LNX1: variants seen among roughly 807,000 people sequenced by gnomAD.
The protein encoded by LNX1 is ligand of numb-protein X 1, also known as E3 ubiquitin-protein ligase LNX.
Under a neutral mutation model 68.4 loss-of-function variants are expected in LNX1, and 54 were observed. The ratio of observed to expected loss-of-function variants is 0.79; its 90% CI spans 0.63 to 0.99. The LOEUF (loss-of-function observed/expected upper bound fraction) is 0.99, where lower values mean the gene tolerates loss of function less well. Ranked by LOEUF, LNX1 falls within the 50% of genes least tolerant of loss-of-function variation. The pLI is 0.00. For synonymous variants in LNX1, 336 were observed against 350.0 expected (o/e 0.96, Z 0.45); for missense variants, 906 against 926.4 (o/e 0.98, Z 0.29).
intron 2 of LNX1, among the ~76,000 whole-genome samples, chr4:53,528,959 T>G (rs536558141): frequency 1.7e-4 from 26 of 152,024 alleles, no homozygotes; most frequent in African/African-American, 5.8e-4. Flanking sequence ...AAAAAAGCCA[T>G]CACAGAGGAA....
intron 2 of LNX1, among the ~76,000 whole-genome samples, chr4:53,568,697 A>C (rs1730906775): frequency 6.6e-6 from 1 of 151,698 alleles, no homozygotes; most frequent in Admixed American, 6.6e-5. Context: ...AAGGGTATTC[A>C]ATTAGGAAAA....
At chr4:53,602,113 A>G (rs147998816) in intron 2 of LNX1, among the ~76,000 whole-genome samples, 1 of 152,172 alleles carries the variant, frequency 6.6e-6, no homozygotes, top group Non-Finnish European at 1.5e-5. Flanking sequence ...AGAGTGAGAA[A>G]TAGAAACTAG....
rs1321234137 is a variant in LNX1, at chr4:53,476,774, A to G, written c.1871T>C (p.Val624Ala). The change falls in exon 9 of 11, where the codon GTC (valine) becomes GCC (alanine). Residue 624 changes from valine (V) to alanine (A), a missense_variant. Physicochemically the swap from Val to Ala is moderately conservative, Grantham distance 64 (BLOSUM62 0). Coordinates refer to ENST00000263925, the MANE Select transcript of LNX1 (RefSeq NM_001126328.3). ...APPSDWSPSW[V>A]MWLELPRCLY... ...TTACCGTGGTAATTCCAGCCACATG[A>G]CCCAGGATGGGGACCAGTCACTGGG... 1.2e-6 allele frequency: 2 copies of G among 1,613,978 alleles called. No individual in the cohort carries two copies. The highest frequency in any genetic ancestry group is 2.7e-5 in the African/African-American group (2 of 74,890).
chr4:53,510,900 C>T (rs56708336), intron 2 of LNX1, among the ~76,000 whole-genome samples: 16,890 of 152,188 alleles, frequency 0.11, 1,088 homozygotes, highest in East Asian at 0.17. Context: ...GAAACTGGCA[C>T]CTTTCTCTGC....
intron 2 of LNX1, among the ~76,000 whole-genome samples, chr4:53,519,700 C>A (rs568205839): frequency 6.6e-6 from 1 of 152,234 alleles, no homozygotes; most frequent in Non-Finnish European, 1.5e-5. Flanking sequence ...CACACACACT[C>A]CTTAACAGGC....
chr4:53,508,569 C>T (rs1297932249), intron 2 of LNX1, among the ~76,000 whole-genome samples: 3 of 152,186 alleles, frequency 2.0e-5, no homozygotes, highest in African/African-American at 7.2e-5. Context: ...GTAATTCCTG[C>T]TTGCTGGTGT....
chr4:53,495,338 T>C (rs772812839), intron 6 of LNX1, among the ~76,000 whole-genome samples: 31 of 152,208 alleles, frequency 2.0e-4, no homozygotes, highest in Non-Finnish European at 4.1e-4. Context: ...AGGTGCTTGA[T>C]GACATTATAC....
intron 1 of LNX1, among the ~76,000 whole-genome samples, chr4:53,638,378 T>A (rs1734558923): frequency 1.3e-5 from 2 of 152,200 alleles, no homozygotes; most frequent in Admixed American, 1.3e-4. Flanking sequence ...TCCATAGTTG[T>A]GAATTTGCCT....
intron 2 of LNX1, among the ~76,000 whole-genome samples, chr4:53,566,570 C>T (rs1458306234): frequency 6.0e-5 from 9 of 151,094 alleles, no homozygotes; most frequent in African/African-American, 2.2e-4. Context: ...ACCATCGAGA[C>T]TAGGAAGAAA....
At chr4:53,641,972 AC>A (rs1734702559) in intron 1 of LNX1, among the ~76,000 whole-genome samples, 1 of 152,020 alleles carries the variant, frequency 6.6e-6, no homozygotes, top group Non-Finnish European at 1.5e-5. Context: ...TTACCAAGAA[AC>A]CTGCCATGAA....
chr4:53,634,598 TACC>T (rs1301877642), intron 1 of LNX1, among the ~76,000 whole-genome samples: 2 of 151,920 alleles, frequency 1.3e-5, no homozygotes, highest in African/African-American at 4.8e-5. Flanking sequence ...CCTCTGGGAG[TACC>T]ATCTCTACTG....
intron 9 of LNX1, among the ~76,000 whole-genome samples, chr4:53,466,540 G>A (rs559535930): frequency 2.4e-4 from 36 of 152,292 alleles, no homozygotes; most frequent in African/African-American, 7.7e-4. Context: ...AGGGCAAGGC[G>A]TCGCCTCACC....
chr4:53,529,202 C>T (rs192041348), intron 2 of LNX1, among the ~76,000 whole-genome samples: 4 of 151,570 alleles, frequency 2.6e-5, no homozygotes, highest in Non-Finnish European at 5.9e-5. Context: ...ACTGAACTGA[C>T]ACAATCTAGG....
At chr4:53,499,321 G>T (rs1725308127) in intron 4 of LNX1, among the ~76,000 whole-genome samples, 1 of 152,066 alleles carries the variant, frequency 6.6e-6, no homozygotes, top group African/African-American at 2.4e-5. Context: ...ACCATTCCTG[G>T]CAAATTTTTA....
At chr4:53,514,972 C>T (rs1378101049) in intron 2 of LNX1, among the ~76,000 whole-genome samples, 5 of 152,238 alleles carry the variant, frequency 3.3e-5, no homozygotes, top group Admixed American at 2.6e-4. Context: ...AACCTAAATA[C>T]CCCATCCAAA....
At chr4:53,520,558 G>A (rs1727140216) in intron 2 of LNX1, among the ~76,000 whole-genome samples, 1 of 152,128 alleles carries the variant, frequency 6.6e-6, no homozygotes, top group South Asian at 2.1e-4. Context: ...GATGATTTGA[G>A]TTTTCTGTTA....
At chr4:53,548,391 G>A (rs1168360957) in intron 2 of LNX1, among the ~76,000 whole-genome samples, 2 of 152,052 alleles carry the variant, frequency 1.3e-5, no homozygotes, top group East Asian at 3.8e-4. Context: ...GTTTTATCAT[G>A]GATGTATTAA....
intron 9 of LNX1, among the ~76,000 whole-genome samples, chr4:53,469,896 G>T (rs569772508): frequency 1.3e-5 from 2 of 152,122 alleles, no homozygotes; most frequent in African/African-American, 4.8e-5. Context: ...ATTCACAGCC[G>T]AATTCTACCA....
At chr4:53,594,283 G>C (rs1560686671), upstream of LNX1, among the ~76,000 whole-genome samples, 1 of 152,046 alleles carries the variant, frequency 6.6e-6, no homozygotes, top group East Asian at 1.9e-4. Flanking sequence ...TCAACCCCAA[G>C]ATGGAAGGCC....
Sources: allele counts gnomAD v4.1 joint callset (sites outside exome capture counted in the v4.1 genomes callset), GRCh38; gene constraint gnomAD v4.1.1; transcripts MANE v1.5; gene names NCBI Gene and HGNC (gene_info 2026-07-23, HGNC 2026-07-21).